CEP128: variants seen among roughly 807,000 people sequenced by gnomAD.
The protein encoded by CEP128 is centrosomal protein 128.
CEP128 carries 132 observed loss-of-function variants against 156.7 expected under a neutral mutation model. That is an observed-to-expected ratio of 0.84 (90% CI 0.73 to 0.97). The LOEUF (loss-of-function observed/expected upper bound fraction) is 0.97, where lower values mean the gene tolerates loss of function less well. CEP128 is among the 50% of genes least tolerant of loss of function. The probability of loss-of-function intolerance (pLI) is 0.00; values close to 1 mark genes in which losing one functional copy is unlikely to be tolerated. For missense variants in CEP128, 1,252 were observed against 1,281.9 expected (o/e 0.98, Z 0.36); for synonymous variants, 469 against 448.9 (o/e 1.04, Z -0.57).
chr14:80,490,903 G>C (rs1416315837), intron 6 of CEP128, among the ~76,000 whole-genome samples: 7 of 114,194 alleles, frequency 6.1e-5, no homozygotes, highest in Non-Finnish European at 1.1e-4. Flanking sequence ...TCATCTGGAG[G>C]ACTTGTTGTA....
At chr14:80,582,893 G>A (rs1438521780) in intron 19 of CEP128, among the ~76,000 whole-genome samples, 2 of 152,092 alleles carry the variant, frequency 1.3e-5, no homozygotes, top group Admixed American at 6.5e-5. Flanking sequence ...TTGTTTAATG[G>A]TGCAGTGTAA....
chr14:80,622,959 A>G (rs1355228523), intron 19 of CEP128, among the ~76,000 whole-genome samples: 2 of 152,084 alleles, frequency 1.3e-5, no homozygotes, highest in African/African-American at 2.4e-5. Context: ...CCATTGCTGG[A>G]TATATACCCA....
chr14:80,520,405 C>T (rs767103618), intron 23 of CEP128, among the ~76,000 whole-genome samples: 1 of 147,252 alleles, frequency 6.8e-6, no homozygotes, highest in African/African-American at 2.5e-5. Flanking sequence ...GGTGACAGAG[C>T]GAGATTCCAT....
intron 20 of CEP128, among the ~76,000 whole-genome samples, chr14:80,573,517 C>T (rs1461850884): frequency 1.3e-5 from 2 of 152,194 alleles, no homozygotes; most frequent in South Asian, 2.1e-4. Context: ...ATACTTCTTT[C>T]GTAGGGTATT....
rs75208244 is a variant in CEP128 at position 80,575,792 on chromosome 14, C to T, written c.2856+4582G>A. Among the ~76,000 whole-genome samples, 514 of 152,032 alleles carry T rather than the reference C, an allele frequency of 3.4e-3. 4 individuals are homozygous for T. The highest frequency in any genetic ancestry group is 0.01 in the African/African-American group (429 of 41,464). On this transcript the variant is annotated intron_variant, in intron 20 of 24. Transcript: ENST00000555265. ...TTACAATATCTATATATTGTGCTGA[C>T]GCAAAGTAACCTACCAATGGCTTAG...
In CEP128 at chr14:80,723,366, A is replaced by G. The variant is rs180965154; in HGVS notation, c.2806+19709T>C. ...CTCATCGCTTCCACCCAAATCAAAGAAAGATCCTTTAAAGAACTCACATTC... is the reference window on the plus strand; with the variant it reads ...CTCATCGCTTCCACCCAAATCAAAGGAAGATCCTTTAAAGAACTCACATTC... On this transcript the variant is annotated intron_variant, in intron 19 of 24. Coordinates refer to ENST00000555265, the MANE Select transcript of CEP128 (RefSeq NM_152446.5). Among the ~76,000 whole-genome samples, 462 of 152,318 alleles carry G rather than the reference A, an allele frequency of 3.0e-3. 1 individual carries two copies. The highest frequency in any genetic ancestry group is 3.6e-3 in the Non-Finnish European group (246 of 68,028).
At chr14:80,655,154 T>C (rs1437619046) in intron 19 of CEP128, among the ~76,000 whole-genome samples, 1 of 152,198 alleles carries the variant, frequency 6.6e-6, no homozygotes, top group East Asian at 1.9e-4. Context: ...ATATCTAGAC[T>C]CTGACTGTCA....
At chr14:80,599,395 C>T (rs1421918215) in intron 19 of CEP128, among the ~76,000 whole-genome samples, 2 of 151,392 alleles carry the variant, frequency 1.3e-5, no homozygotes, top group Non-Finnish European at 2.9e-5. Context: ...GCCTCAGCCT[C>T]CTGAGTAGCT....
intron 21 of CEP128, among the ~76,000 whole-genome samples, chr14:80,540,284 C>T (rs1397265978): frequency 6.6e-6 from 1 of 151,342 alleles, no homozygotes; most frequent in African/African-American, 2.4e-5. Flanking sequence ...TGATGTCACC[C>T]CTGGCGGCCC....
At chr14:80,852,718 A>G (rs1406561521) in intron 9 of CEP128, among the ~76,000 whole-genome samples, 1 of 151,908 alleles carries the variant, frequency 6.6e-6, no homozygotes, top group Non-Finnish European at 1.5e-5. Context: ...TTTTATGGGT[A>G]AGTTTCAACA....
At chr14:80,539,699 G>A (rs182221023) in intron 21 of CEP128, among the ~76,000 whole-genome samples, 405 of 152,246 alleles carry the variant, frequency 2.7e-3, no homozygotes, top group African/African-American at 9.0e-3. Flanking sequence ...GACTGCCTGC[G>A]GGGTCAGGCA....
At chr14:80,560,107 T>C (rs1186590326) in intron 20 of CEP128, among the ~76,000 whole-genome samples, 1 of 152,142 alleles carries the variant, frequency 6.6e-6, no homozygotes, top group East Asian at 1.9e-4. Flanking sequence ...ACCAAGGCCA[T>C]TTGCCTTTGT....
chr14:80,952,506 A>G (rs1255756647), intron 2 of CEP128, among the ~76,000 whole-genome samples: 2 of 152,098 alleles, frequency 1.3e-5, no homozygotes, highest in Non-Finnish European at 2.9e-5. Context: ...CTAAAGTAGT[A>G]TAGGGAAAGT....
intron 13 of CEP128, among the ~76,000 whole-genome samples, chr14:80,821,827 T>C (rs1449232572): frequency 6.6e-6 from 1 of 151,936 alleles, no homozygotes; most frequent in African/African-American, 2.4e-5. Flanking sequence ...CCACTGCAGA[T>C]AAAGACATAC....
chr14:80,683,466 T>A (rs556752559), intron 19 of CEP128, among the ~76,000 whole-genome samples: 1 of 152,074 alleles, frequency 6.6e-6, no homozygotes, highest in Admixed American at 6.5e-5. Context: ...GCATCAAGAT[T>A]AATAAAACAA....
chr14:80,582,588 G>A (rs1452768584), intron 19 of CEP128, among the ~76,000 whole-genome samples: 1 of 151,918 alleles, frequency 6.6e-6, no homozygotes, highest in African/African-American at 2.4e-5. Flanking sequence ...TGCTTGGCTA[G>A]GGGAAAGTAT....
intron 19 of CEP128, among the ~76,000 whole-genome samples, chr14:80,740,695 A>G (rs1018799286): frequency 6.6e-6 from 1 of 152,158 alleles, no homozygotes; most frequent in Non-Finnish European, 1.5e-5. Context: ...TCTTTTTTCT[A>G]CATCCTCTTA....
chr14:80,577,010 G>A (rs1202630194), intron 20 of CEP128, among the ~76,000 whole-genome samples: 1 of 152,096 alleles, frequency 6.6e-6, no homozygotes, highest in Non-Finnish European at 1.5e-5. Context: ...ATAGCTAAAT[G>A]GATTCAAGAA....
chr14:80,613,683 T>C (rs1050184919), intron 19 of CEP128, among the ~76,000 whole-genome samples: 6 of 152,148 alleles, frequency 3.9e-5, no homozygotes, highest in African/African-American at 1.4e-4. Flanking sequence ...AGATGGCCTT[T>C]TCCCCATCTC....
Sources: allele counts gnomAD v4.1 joint callset (sites outside exome capture counted in the v4.1 genomes callset), GRCh38; gene constraint gnomAD v4.1.1; transcripts MANE v1.5; gene names NCBI Gene and HGNC (gene_info 2026-07-23, HGNC 2026-07-21).